The following LMBR1 variants were observed in gnomAD, a reference collection of about 807,000 sequenced individuals.
LMBR1 encodes limb development membrane protein 1, also known as limb region 1 protein homolog.
LMBR1 carries 52 observed loss-of-function variants against 73.9 expected under a neutral mutation model. That is an observed-to-expected ratio of 0.70 (90% CI 0.56 to 0.89). LMBR1 has a LOEUF of 0.89. Ranked by LOEUF, LMBR1 falls within the 40% of genes least tolerant of loss-of-function variation. LMBR1 has a pLI of 0.00. For synonymous variants in LMBR1, 215 were observed against 209.4 expected (o/e 1.03, Z -0.23); for missense variants, 539 against 579.8 (o/e 0.93, Z 0.72).
chr7:156,879,573 A>T (rs1800738695), intron 1 of LMBR1, among the ~76,000 whole-genome samples: 1 of 151,568 alleles, frequency 6.6e-6, no homozygotes, highest in African/African-American at 2.4e-5. Context: ...CTGAGGCAGG[A>T]GAATGGCGTG....
intron 5 of LMBR1, among the ~76,000 whole-genome samples, chr7:156,786,950 T>C (rs1828212252): frequency 6.6e-6 from 1 of 152,180 alleles, no homozygotes; most frequent in South Asian, 2.1e-4. Context: ...ACATTTTTAA[T>C]CAACTTTAAT....
chr7:156,792,596 C>T (rs924334242), intron 5 of LMBR1, among the ~76,000 whole-genome samples: 4 of 152,148 alleles, frequency 2.6e-5, no homozygotes, highest in African/African-American at 7.2e-5. Flanking sequence ...ACCGCTGCCA[C>T]GGTAAGAAGA....
intron 9 of LMBR1, among the ~76,000 whole-genome samples, chr7:156,751,754 G>T (rs1820936567): frequency 6.6e-6 from 1 of 152,220 alleles, no homozygotes; most frequent in Non-Finnish European, 1.5e-5. Flanking sequence ...GGCCTGAGTA[G>T]CTGGAAGAAT....
At chr7:156,880,343 G>C (rs1800893975) in intron 1 of LMBR1, among the ~76,000 whole-genome samples, 5 of 152,082 alleles carry the variant, frequency 3.3e-5, no homozygotes. Context: ...TGGGGACTCA[G>C]GGGGAAAGGG....
chr7:156,888,482 A>C lies in LMBR1; in HGVS notation c.66+4446T>G, dbSNP rs186054244. On this transcript the variant is annotated intron_variant, in intron 1 of 16. Coordinates refer to ENST00000353442, the MANE Select transcript of LMBR1 (RefSeq NM_022458.4). ...GCAATTCTACTTCTGAATTGAAAGCAGGGACTCTAATAGATATTTGCATAC... is the reference window on the plus strand; with the variant it reads ...GCAATTCTACTTCTGAATTGAAAGCCGGGACTCTAATAGATATTTGCATAC... Among the ~76,000 whole-genome samples the C allele has an allele frequency of 3.9e-5, 6 of 152,172 alleles. No individual in the cohort carries two copies. In the East Asian group the frequency reaches 1.2e-3, roughly 29 times the overall value.
chr7:156,776,913 T>C (rs763125299), intron 5 of LMBR1, among the ~76,000 whole-genome samples: 10 of 151,900 alleles, frequency 6.6e-5, no homozygotes, highest in Non-Finnish European at 1.5e-4. Flanking sequence ...TGGCTGACTT[T>C]AGCAATTTTC....
intron 4 of LMBR1, among the ~76,000 whole-genome samples, chr7:156,672,665 C>T (rs541278384): frequency 1.8e-4 from 27 of 152,324 alleles, no homozygotes; most frequent in African/African-American, 6.5e-4. Flanking sequence ...GATACACTCA[C>T]GTATGATAGA....
chr7:156,716,538 T>G (rs952775611), intron 15 of LMBR1, among the ~76,000 whole-genome samples: 1 of 152,186 alleles, frequency 6.6e-6, no homozygotes, highest in African/African-American at 2.4e-5. Context: ...CCAGCATGGA[T>G]GGTAACTGGC....
chr7:156,876,820 C>T (rs998000259), intron 1 of LMBR1, among the ~76,000 whole-genome samples: 1 of 152,018 alleles, frequency 6.6e-6, no homozygotes, highest in Non-Finnish European at 1.5e-5. Context: ...ACAGCAAAGG[C>T]GGTGCTAAGA....
At chr7:156,859,953 T>C (rs2134177751) in intron 1 of LMBR1, among the ~76,000 whole-genome samples, 1 of 152,242 alleles carries the variant, frequency 6.6e-6, no homozygotes, top group South Asian at 2.1e-4. Flanking sequence ...AAAAGATCAA[T>C]GGAACAGAAT....
In LMBR1 at chr7:156,683,887, T is replaced by A; in HGVS notation, c.*191A>T. ...ACTTAACTGGAAACTACAGGGTCCA[T>A]CAGAAAGTTAAATTTAAAAAAGATC... is the stretch of plus-strand genomic sequence containing the variant. On this transcript the variant is annotated 3_prime_UTR_variant, in exon 17 of 17. Coordinates refer to ENST00000353442, the MANE Select transcript of LMBR1 (RefSeq NM_022458.4). The A allele has an allele frequency of 1.7e-6, 1 of 577,568 alleles. No individual in the cohort carries two copies. Among genetic ancestry groups the A allele is most frequent in the Non-Finnish European group, 3.1e-6 (1 of 326,612 alleles). The allele number at this position is 577,568 out of a possible 1,614,324, so 35.8% of individuals were successfully genotyped here.
Position 156,763,729 on chromosome 7 carries a change from T to C in LMBR1, c.490A>G (p.Ile164Val). The change falls in exon 6 of 17, where the codon ATA (isoleucine) becomes GTA (valine). Residue 164 changes from isoleucine (I) to valine (V), a missense_variant. Ile to Val is a conservative substitution (Grantham distance 29, BLOSUM62 3). Around this residue, in one of 3 missense-constraint regions of LMBR1, gnomAD observed 454 missense variants for 473.4 expected, o/e 0.96. Coordinates refer to ENST00000353442, the MANE Select transcript of LMBR1 (RefSeq NM_022458.4). ...ATGAGTGCTGAAGCTACCCACACTA[T>C]CCCAAGAATGAGTAACGCAAGAAGA... ...LLLLALLILG[I>V]VWVASALIDN... The C allele has an allele frequency of 1.2e-6, 2 of 1,606,052 alleles. No homozygotes were observed. Among genetic ancestry groups the C allele is most frequent in the Non-Finnish European group, 1.7e-6 (2 of 1,178,262 alleles).
intron 15 of LMBR1, among the ~76,000 whole-genome samples, chr7:156,701,714 T>C (rs1379973343): frequency 2.6e-5 from 4 of 152,196 alleles, no homozygotes; most frequent in Non-Finnish European, 5.9e-5. Flanking sequence ...CTATGGTGGT[T>C]TGCTGCACCT....
intron 5 of LMBR1, among the ~76,000 whole-genome samples, chr7:156,769,453 G>A (rs1824770434): frequency 6.6e-6 from 1 of 152,176 alleles, no homozygotes; most frequent in African/African-American, 2.4e-5. Flanking sequence ...TCTCACCACT[G>A]AGTTGAGCAC....
In LMBR1 at chr7:156,670,289, A is replaced by G. The variant is rs566088426; in HGVS notation, n.867-1002T>C. On this transcript the variant is annotated intron_variant and non_coding_transcript_variant, in intron 4 of 4. Coordinates refer to the LMBR1 transcript ENST00000430825. This position sits in a 1 kb window ranked among gnomAD's most constrained non-coding sequence, Gnocchi z 4.3. ...CTGTTTTGACTTTGGCTCTTGATAC[A>G]CACACATTCTAGTCAGGCCCTGCCT... Among the ~76,000 whole-genome samples, 5 of 152,254 alleles carry G rather than the reference A, an allele frequency of 3.3e-5. No homozygotes were observed. Among genetic ancestry groups the G allele is most frequent in the Admixed American group, 2.6e-4 (4 of 15,304 alleles).
Position 156,670,014 on chromosome 7 carries a change from C to G in LMBR1, n.867-727G>C, listed in dbSNP as rs1802126796. On this transcript the variant is annotated intron_variant and non_coding_transcript_variant, in intron 4 of 4. Transcript: ENST00000430825. This position sits in a 1 kb window ranked among gnomAD's most constrained non-coding sequence, Gnocchi z 4.3. ...AGCTGTATGTACTTCTGTGGCCTCT[C>G]TCTCCAGTGGTCATGTAGTTTTTTT... is the stretch of plus-strand genomic sequence containing the variant. 2.0e-5 allele frequency among the ~76,000 whole-genome samples: 3 copies of G among 152,238 alleles called. No homozygotes were observed. The highest frequency in any genetic ancestry group is 2.0e-4 in the Admixed American group (3 of 15,290).
chr7:156,853,620 G>A (rs1190852743), intron 1 of LMBR1, among the ~76,000 whole-genome samples: 1 of 152,154 alleles, frequency 6.6e-6, no homozygotes, highest in Non-Finnish European at 1.5e-5. Flanking sequence ...GCCAAATGAT[G>A]AACCCAAAGG....
At chr7:156,762,051 A>T (rs940090911) in intron 8 of LMBR1, 83 bp downstream of exon 8, 7 of 775,526 alleles carry the variant, frequency 9.0e-6, no homozygotes, top group South Asian at 4.6e-5. Context: ...TTCTATTTCT[A>T]AATGCTAGCT....
intron 5 of LMBR1, among the ~76,000 whole-genome samples, chr7:156,765,174 C>T (rs887025059): frequency 6.6e-6 from 1 of 152,190 alleles, no homozygotes; most frequent in Admixed American, 6.5e-5. Context: ...ATTTAAGATG[C>T]TGATATGGTT....
Sources: allele counts gnomAD v4.1 joint callset (sites outside exome capture counted in the v4.1 genomes callset), GRCh38; gene constraint gnomAD v4.1.1; regional missense constraint gnomAD v4.1.1; non-coding constraint Gnocchi (gnomAD v3.1); transcripts MANE v1.5; gene names NCBI Gene and HGNC (gene_info 2026-07-23, HGNC 2026-07-21).